The following GAREM1 variants were observed in gnomAD, a reference collection of about 807,000 sequenced individuals.
The protein encoded by GAREM1 is GRB2 associated regulator of MAPK1 subtype 1, also known as GRB2-associated and regulator of MAPK protein 1.
In GAREM1, 26 loss-of-function variants were observed where a neutral mutation model predicts 71.3. That is an observed-to-expected ratio of 0.36 (90% CI 0.27 to 0.51). GAREM1 has a LOEUF of 0.51. Among genes scored for constraint, GAREM1 ranks in the 20% least tolerant of loss-of-function variants. The pLI, the probability that GAREM1 is intolerant of heterozygous loss-of-function variation, is 0.95. For synonymous variants in GAREM1, 440 were observed against 433.2 expected, an observed-to-expected ratio of 1.02 and a Z score of -0.20; for missense variants, 1,026 against 1,103.1, an observed-to-expected ratio of 0.93 and a Z score of 0.99.
At chr18:32,323,159 T>A (rs1212406534) in intron 2 of GAREM1, among the ~76,000 whole-genome samples, 2 of 152,212 alleles carry the variant, frequency 1.3e-5, no homozygotes, top group Non-Finnish European at 2.9e-5. Flanking sequence ...TTTTTAATAG[T>A]TGGCTCAAAT....
intron 2 of GAREM1, among the ~76,000 whole-genome samples, chr18:32,383,437 T>C (rs2048115602): frequency 6.6e-6 from 1 of 152,198 alleles, no homozygotes; most frequent in Non-Finnish European, 1.5e-5. Flanking sequence ...TTGCTAGCAC[T>C]GCAATCAGTT....
chr18:32,437,149 C>A (rs569945866), intron 1 of GAREM1, among the ~76,000 whole-genome samples: 1 of 152,104 alleles, frequency 6.6e-6, no homozygotes, highest in African/African-American at 2.4e-5. Flanking sequence ...TATAACCAAG[C>A]AAAGCAATGT....
intron 1 of GAREM1, among the ~76,000 whole-genome samples, chr18:32,463,949 T>C (rs1023557621): frequency 7.1e-6 from 1 of 140,680 alleles, no homozygotes; most frequent in Non-Finnish European, 1.5e-5. Flanking sequence ...TACAAAAAAA[T>C]GATCATCCAT....
chr18:32,329,703 T>TAAA (rs756082703), intron 2 of GAREM1, among the ~76,000 whole-genome samples: 4,955 of 77,896 alleles, frequency 0.064, 289 homozygotes, highest in African/African-American at 0.16. Flanking sequence ...GAGACTCCAT[T>TAAA]AAAAAAAAAA....
chr18:32,337,308 T>A (rs1257181671), intron 2 of GAREM1, among the ~76,000 whole-genome samples: 1 of 152,200 alleles, frequency 6.6e-6, no homozygotes, highest in African/African-American at 2.4e-5. Flanking sequence ...GGCCACACAC[T>A]TAAACGTCAT....
chr18:32,293,118 TACACACAGACACACATAG>T (rs1268669037), intron 3 of GAREM1, among the ~76,000 whole-genome samples: 82 of 151,974 alleles, frequency 5.4e-4, no homozygotes, highest in African/African-American at 1.8e-3. Context: ...TCAGCAGTTA[TACACACAGACACACATAG>T]ACACACAGAC....
At chr18:32,399,722 A>G (rs1398765588) in intron 1 of GAREM1, among the ~76,000 whole-genome samples, 2 of 152,222 alleles carry the variant, frequency 1.3e-5, no homozygotes, top group Non-Finnish European at 2.9e-5. Flanking sequence ...AGGAAGAATC[A>G]ATATCGTGAA....
At position 32,294,728 on chromosome 18, in the gene GAREM1, T is replaced by C. The variant is rs2047123565; in HGVS notation, c.394-6525A>G. 2.0e-5 allele frequency among the ~76,000 whole-genome samples: 3 copies of C among 151,976 alleles called. No homozygotes were observed. In the South Asian group the frequency reaches 6.3e-4, roughly 32 times the overall value. ...ATTTTGCATGTCCAGTGTCTTACTGTAAGGTTTTTTCTCCAGTTAATTCTC... is the reference window on the plus strand; with the variant it reads ...ATTTTGCATGTCCAGTGTCTTACTGCAAGGTTTTTTCTCCAGTTAATTCTC... On this transcript the variant is annotated intron_variant, in intron 3 of 5. Transcript: ENST00000269209.
intron 2 of GAREM1, among the ~76,000 whole-genome samples, chr18:32,390,213 C>G (rs11873325): frequency 0.13 from 20,038 of 151,142 alleles, 1,526 homozygotes; most frequent in African/African-American, 0.21. Flanking sequence ...ACACTGCCTT[C>G]TTATTTACCT....
rs1032912530 is a variant in GAREM1, at chr18:32,300,831, G to A, written c.393+9362C>T. On this transcript the variant is annotated intron_variant, in intron 3 of 5. Transcript: ENST00000269209. ...TGAGGCAGGAGAATCGCTTGAACCC[G>A]AGAGGCAGAGGTTGCGGTGAGCTGA... is the stretch of plus-strand genomic sequence containing the variant. 5.3e-5 allele frequency among the ~76,000 whole-genome samples: 8 copies of A among 149,854 alleles called. 1 individual carries two copies. Among genetic ancestry groups the A allele is most frequent in the African/African-American group, 1.5e-4 (6 of 40,380 alleles).
intron 3 of GAREM1, among the ~76,000 whole-genome samples, chr18:32,299,693 T>C (rs1006982929): frequency 7.2e-5 from 11 of 152,124 alleles, no homozygotes; most frequent in Non-Finnish European, 1.3e-4. Context: ...GTTGTTGATG[T>C]TGGAGCTTAT....
intron 2 of GAREM1, among the ~76,000 whole-genome samples, chr18:32,327,024 ACACT>A (rs1318281814): frequency 6.6e-6 from 1 of 152,220 alleles, no homozygotes; most frequent in African/African-American, 2.4e-5. Flanking sequence ...AAATTAAAAA[ACACT>A]CTTCTTTCTA....
At chr18:32,271,307 C>T (rs1039384600) in intron 4 of GAREM1, among the ~76,000 whole-genome samples, 11 of 152,158 alleles carry the variant, frequency 7.2e-5, no homozygotes, top group Non-Finnish European at 1.5e-4. Context: ...ATTCTCCTGC[C>T]TCAGCCTCCT....
intron 2 of GAREM1, among the ~76,000 whole-genome samples, chr18:32,388,771 A>G (rs2048170409): frequency 6.6e-6 from 1 of 152,224 alleles, no homozygotes; most frequent in Non-Finnish European, 1.5e-5. Flanking sequence ...AAAGGAGACT[A>G]AAGAGATACA....
At chr18:32,452,937 C>T (rs1249300637) in intron 1 of GAREM1, among the ~76,000 whole-genome samples, 10 of 151,092 alleles carry the variant, frequency 6.6e-5, no homozygotes, top group African/African-American at 2.0e-4. Context: ...TGTGTTTACA[C>T]GTGGGTGTGT....
At chr18:32,379,078 T>C (rs1347274956) in intron 2 of GAREM1, among the ~76,000 whole-genome samples, 1 of 152,106 alleles carries the variant, frequency 6.6e-6, no homozygotes, top group Non-Finnish European at 1.5e-5. Context: ...CTGTAGATGG[T>C]AGGACCTTGG....
At chr18:32,356,954 C>T (rs2047812530) in intron 2 of GAREM1, among the ~76,000 whole-genome samples, 1 of 152,094 alleles carries the variant, frequency 6.6e-6, no homozygotes. Flanking sequence ...AATGAAAATC[C>T]CTAATGGAGG....
chr18:32,454,191 A>G (rs2048867392), intron 1 of GAREM1, among the ~76,000 whole-genome samples: 8 of 152,208 alleles, frequency 5.3e-5, no homozygotes, highest in Admixed American at 4.6e-4. Flanking sequence ...ACATTCACAA[A>G]AAGTCCTTGT....
At position 32,264,778 on chromosome 18, in the gene GAREM1, T is replaced by G. The variant is rs1043089996; in HGVS notation, c.*3093A>C. 1 of 152,362 alleles carries G rather than the reference T, an allele frequency of 6.6e-6. No individual in the cohort carries two copies. The highest frequency in any genetic ancestry group is 1.5e-5 in the Non-Finnish European group (1 of 68,038). The allele number at this position is 152,362 out of a possible 1,614,324, so 9.4% of individuals were successfully genotyped here. A position where few individuals can be genotyped will look rare whatever the true frequency, so the allele number is the denominator to read the frequency against. On this transcript the variant is annotated 3_prime_UTR_variant, in exon 6 of 6. Coordinates refer to ENST00000269209, the MANE Select transcript of GAREM1 (RefSeq NM_001242409.2). The stretch of plus-strand genomic sequence containing the variant: ...AGTGTCTGAATTCTGCCTCCCAACA[T>G]GAGTCAGGTCCACATTATACATTTT...
Sources: allele counts gnomAD v4.1 joint callset (sites outside exome capture counted in the v4.1 genomes callset), GRCh38; gene constraint gnomAD v4.1.1; transcripts MANE v1.5; gene names NCBI Gene and HGNC (gene_info 2026-07-23, HGNC 2026-07-21).